The following UNC13A variants were observed in gnomAD, a reference collection of about 807,000 sequenced individuals.
The protein encoded by UNC13A is protein unc-13 homolog A.
Under a neutral mutation model 219.7 loss-of-function variants are expected in UNC13A, and 61 were observed. The ratio of observed to expected loss-of-function variants is 0.28; its 90% CI spans 0.23 to 0.34. The LOEUF (loss-of-function observed/expected upper bound fraction) is 0.34, where lower values mean the gene tolerates loss of function less well. Ranked by LOEUF, UNC13A falls within the 10% of genes least tolerant of loss-of-function variation. The pLI is 1.00. For synonymous variants in UNC13A, 920 were observed against 884.6 expected, an observed-to-expected ratio of 1.04 and a Z score of -0.71; for missense variants, 1,476 against 2,270.3, an observed-to-expected ratio of 0.65 and a Z score of 7.11.
intron 1 of UNC13A, among the ~76,000 whole-genome samples, chr19:17,677,955 A>G (rs1172702546): frequency 6.6e-6 from 1 of 152,100 alleles, no homozygotes; most frequent in Non-Finnish European, 1.5e-5. Context: ...CTAATCCTTC[A>G]TGTTTTTTCA....
Position 17,688,257 on chromosome 19 carries a change from C to A in UNC13A, c.-58G>T. 7.1e-7 allele frequency: 1 copy of A among 1,416,424 alleles called. No individual in the cohort carries two copies. The highest frequency in any genetic ancestry group is 9.2e-7 in the Non-Finnish European group (1 of 1,085,366). 87.7% of individuals were successfully genotyped at this position (1,416,424 alleles called of 1,614,324 possible). A position where few individuals can be genotyped will look rare whatever the true frequency, so the allele number is the denominator to read the frequency against. On this transcript the variant is annotated 5_prime_UTR_variant, in exon 1 of 44. An upstream open reading frame in the 5' UTR loses its in-frame stop. Transcript: ENST00000519716. ...CGGGCCGGCTCTGTCGGGTCGGGCT[C>A]AGCGGCCGCTGGGCTGGGGCATCTC...
Position 17,627,477 on chromosome 19 carries a change from C to G in UNC13A, c.3920+32G>C, listed in dbSNP as rs750199804. ...TTAGAGGGCTGAAGGCTGTTCCCTC[C>G]CCACTGCCCCCAGCCCTGGAGATGC... On this transcript the variant is annotated intron_variant, in intron 33 of 43. Coordinates refer to ENST00000519716, the MANE Select transcript of UNC13A (RefSeq NM_001080421.3). The surrounding 1 kb of genome is among the most constrained non-coding windows in gnomAD (Gnocchi z 4.7). 1.3e-6 allele frequency: 2 copies of G among 1,522,996 alleles called. No homozygotes were observed. The highest frequency in any genetic ancestry group is 1.4e-5 in the African/African-American group (1 of 72,586). 94.3% of individuals were successfully genotyped at this position (1,522,996 alleles called of 1,614,324 possible).
intron 8 of UNC13A, among the ~76,000 whole-genome samples, chr19:17,662,702 C>T (rs1008116804): frequency 3.3e-5 from 5 of 151,994 alleles, no homozygotes; most frequent in Admixed American, 2.6e-4. Flanking sequence ...AGGTGGATCA[C>T]GAGGTCAGGA....
At chr19:17,638,514 G>A (rs1347898373) in intron 25 of UNC13A, among the ~76,000 whole-genome samples, 2 of 151,672 alleles carry the variant, frequency 1.3e-5, no homozygotes, top group Non-Finnish European at 2.9e-5. Flanking sequence ...ACTGAACAGT[G>A]ACTGTATGCC....
At chr19:17,655,457 G>T in intron 10 of UNC13A, 75 bp from the exon 11 acceptor site, 1 of 1,150,024 alleles carries the variant, frequency 8.7e-7, no homozygotes. Context: ...CTCCAGCTGT[G>T]CAAGTGATGC....
In UNC13A at chr19:17,680,889, CTTTT is replaced by C. The variant is rs375785182; in HGVS notation, c.23-4852_23-4849del. Reference sequence around the variant, plus strand: ...TTCTTCTTTTTTTTTCTTTTCTTTTCTTTTTTTTTTTTTTTTTTTTTTTGACAGG... The same window carrying C: ...TTCTTCTTTTTTTTTCTTTTCTTTTCTTTTTTTTTTTTTTTTTTTGACAGG... On this transcript the variant is annotated intron_variant, in intron 1 of 43. Transcript: ENST00000519716. 6.5e-3 allele frequency among the ~76,000 whole-genome samples: 316 copies of C among 48,618 alleles called. 2 individuals carry two copies. The highest frequency in any genetic ancestry group is 0.027 in the African/African-American group (299 of 11,134). 31.9% of individuals were successfully genotyped at this position (48,618 alleles called of 152,430 possible). A position where few individuals can be genotyped will look rare whatever the true frequency, so the allele number is the denominator to read the frequency against.
intron 17 of UNC13A, among the ~76,000 whole-genome samples, chr19:17,646,650 C>G (rs73009918): frequency 1.3e-5 from 2 of 151,920 alleles, no homozygotes; most frequent in African/African-American, 4.8e-5. Flanking sequence ...CATTGCCCCC[C>G]GAGATCTCCT....
At chr19:17,668,066 G>C in intron 6 of UNC13A, 51 bp downstream of exon 6, 1 of 1,570,328 alleles carries the variant, frequency 6.4e-7, no homozygotes, top group Non-Finnish European at 8.7e-7. Flanking sequence ...ATCATGGGGA[G>C]ACAGAGACAG....
At chr19:17,613,379 A>G (rs572286708) in intron 41 of UNC13A, among the ~76,000 whole-genome samples, 1 of 152,276 alleles carries the variant, frequency 6.6e-6, no homozygotes, top group South Asian at 2.1e-4. Context: ...ACTGCACTTC[A>G]GTCTGGGTGA....
At chr19:17,617,889 A>C (rs1599833529) in intron 40 of UNC13A, 40 bp from the exon 41 acceptor site, 1 of 1,609,630 alleles carries the variant, frequency 6.2e-7, no homozygotes, top group South Asian at 1.1e-5. Context: ...GATGGTGGGA[A>C]CCTCTACCCA....
At chr19:17,630,604 T>C (rs935383299) in intron 29 of UNC13A, 50 bp downstream of exon 29, 5 of 1,596,296 alleles carry the variant, frequency 3.1e-6, no homozygotes, top group Admixed American at 1.7e-5. Flanking sequence ...TCCACCTAAA[T>C]TGACCCCAGT....
At chr19:17,672,795 C>T (rs73924308) in intron 3 of UNC13A, among the ~76,000 whole-genome samples, 5,932 of 152,198 alleles carry the variant, frequency 0.039, 396 homozygotes, top group African/African-American at 0.13. Flanking sequence ...CTTCCTTGGG[C>T]CCTCCAACAC....
At chr19:17,671,482 T>A (rs2079786810) in intron 4 of UNC13A, among the ~76,000 whole-genome samples, 1 of 151,932 alleles carries the variant, frequency 6.6e-6, no homozygotes, top group African/African-American at 2.4e-5. Flanking sequence ...TGAATAGACA[T>A]GACCACGGCC....
chr19:17,640,230 G>T (rs888682651), intron 22 of UNC13A, among the ~76,000 whole-genome samples: 13 of 152,100 alleles, frequency 8.5e-5, no homozygotes, highest in African/African-American at 3.1e-4. Context: ...GAAGAGACGG[G>T]TTTTCACCGT....
At chr19:17,609,555 C>A (rs1385787820) in intron 43 of UNC13A, among the ~76,000 whole-genome samples, 5 of 152,052 alleles carry the variant, frequency 3.3e-5, no homozygotes, top group South Asian at 2.1e-4. Flanking sequence ...GTCCCTCAGC[C>A]CCCCGCTCAT....
chr19:17,624,731 G>C, intron 35 of UNC13A, 98 bp downstream of exon 35: 2 of 1,461,238 alleles, frequency 1.4e-6, no homozygotes, highest in Admixed American at 2.5e-5. Flanking sequence ...GAGACCGGAT[G>C]CCTTTGTTCT....
At position 17,674,279 on chromosome 19, in the gene UNC13A, G is replaced by A. The variant is rs1360793387; in HGVS notation, c.152+378C>T. 1.3e-5 allele frequency among the ~76,000 whole-genome samples: 2 copies of A among 152,220 alleles called. No individual in the cohort carries two copies. The highest frequency in any genetic ancestry group is 2.4e-5 in the African/African-American group (1 of 41,454). On this transcript the variant is annotated intron_variant, in intron 3 of 43. Transcript: ENST00000519716. The surrounding 1 kb of genome is among the most constrained non-coding windows in gnomAD (Gnocchi z 5.0). The stretch of plus-strand genomic sequence containing the variant: ...AGAGCGAGAACCTGGTGGGAATCAC[G>A]GGGAAGGCTGTGGGTTTTATTGTGA...
intron 35 of UNC13A, 51 bp downstream of exon 35, chr19:17,624,778 C>A: frequency 6.4e-7 from 1 of 1,567,500 alleles, no homozygotes; most frequent in Non-Finnish European, 8.7e-7. Flanking sequence ...TTTCTGGGCT[C>A]TCGCCAGGGA....
At position 17,656,106 on chromosome 19, in the gene UNC13A, C is replaced by A. The variant is rs756578402; in HGVS notation, c.1060G>T (p.Asp354Tyr). The A allele has an allele frequency of 9.0e-6, 14 of 1,552,586 alleles. No individual in the cohort carries two copies. The highest frequency in any genetic ancestry group is 1.7e-4 in the Middle Eastern group (1 of 6,018). ...TCACGCTGGGCATAGCTGCCCAAAT[C>A]GTCAGGCACCTCCTCCTCCTCCTCC... ...LEEEEEEVPD[D>Y]LGSYAQREDV... Residue 354 changes from aspartate to tyrosine, a missense_variant, in exon 10 of 44, where the codon GAT becomes TAT. By Grantham distance (160) the Asp-to-Tyr change is radical. Coordinates refer to ENST00000519716, the MANE Select transcript of UNC13A (RefSeq NM_001080421.3).
Sources: gnomAD v4.1 joint callset for allele counts (sites outside exome capture counted in the v4.1 genomes callset) on GRCh38, gnomAD v4.1.1 for gene constraint, Gnocchi (gnomAD v3.1) non-coding constraint, MANE v1.5 for transcripts, NCBI Gene and HGNC (gene_info 2026-07-23, HGNC 2026-07-21) for gene names.